The following ADAMTS17 variants were observed in gnomAD, a reference collection of about 807,000 sequenced individuals.
ADAMTS17 encodes ADAM metallopeptidase with thrombospondin type 1 motif 17, also known as A disintegrin and metalloproteinase with thrombospondin motifs 17.
ADAMTS17 carries 113 observed loss-of-function variants against 141.5 expected under a neutral mutation model. That is an observed-to-expected ratio of 0.80 (90% CI 0.69 to 0.93). The LOEUF (loss-of-function observed/expected upper bound fraction) is 0.93. Ranked by LOEUF, ADAMTS17 falls within the 40% of genes least tolerant of loss-of-function variation. The pLI is 0.00. For missense variants in ADAMTS17, 1,659 were observed against 1,517.9 expected (o/e 1.09, Z -1.54); for synonymous variants, 768 against 630.6 (o/e 1.22, Z -3.27).
intron 13 of ADAMTS17, among the ~76,000 whole-genome samples, chr15:100,111,521 T>C (rs8024234): frequency 0.69 from 104,453 of 152,208 alleles, 36,952 homozygotes; most frequent in African/African-American, 0.87. Flanking sequence ...AAGCATCTTG[T>C]GGAGCTGGTG....
chr15:100,102,669 C>T (rs899888992), intron 14 of ADAMTS17, among the ~76,000 whole-genome samples: 2 of 152,172 alleles, frequency 1.3e-5, no homozygotes, highest in African/African-American at 2.4e-5. Context: ...GGTTTCCTTT[C>T]GTAACTAGTG....
intron 2 of ADAMTS17, among the ~76,000 whole-genome samples, chr15:100,333,511 C>G (rs898904635): frequency 6.6e-6 from 1 of 152,148 alleles, no homozygotes; most frequent in African/African-American, 2.4e-5. Context: ...CAATGTGTAG[C>G]CAGGGTTGAG....
rs189545800 is a variant in ADAMTS17, at chr15:100,111,382, C to G, written c.1889-2266G>C. 1.8e-3 allele frequency among the ~76,000 whole-genome samples: 276 copies of G among 152,336 alleles called. 1 individual carries two copies. The highest frequency in any genetic ancestry group is 6.5e-3 in the African/African-American group (269 of 41,574). On this transcript the variant is annotated intron_variant, in intron 13 of 21. Coordinates refer to ENST00000268070, the MANE Select transcript of ADAMTS17 (RefSeq NM_139057.4). ...CTAGGGGCAGCTGTCCTTCCACTTG[C>G]AGGGAAGGACCTCAGGAGGTGGCTG...
chr15:100,054,063 C>CA lies in ADAMTS17; in HGVS notation c.2138-10dup, dbSNP rs1159160467. On this transcript the variant is annotated splice_polypyrimidine_tract_variant and intron_variant, in intron 15 of 21. Coordinates refer to ENST00000268070, the MANE Select transcript of ADAMTS17 (RefSeq NM_139057.4). The stretch of plus-strand genomic sequence containing the variant: ...ACCCGAGTCTTTGAGAGCTAGAAAG[C>CA]AAGTTGAAGACCAAAGAATCAAGGG... 2 of 1,614,132 alleles carry CA rather than the reference C, an allele frequency of 1.2e-6. No individual in the cohort carries two copies.
intron 20 of ADAMTS17, among the ~76,000 whole-genome samples, chr15:99,986,172 GC>G (rs1203031462): frequency 1.3e-5 from 2 of 152,212 alleles, no homozygotes; most frequent in Non-Finnish European, 2.9e-5. Flanking sequence ...GGGGGTTCAG[GC>G]CCCACCAAAG....
At chr15:100,195,613 CAAAAAAAAAAAAAAAAA>C (rs71287815) in intron 8 of ADAMTS17, among the ~76,000 whole-genome samples, 1 of 63,646 alleles carries the variant, frequency 1.6e-5, no homozygotes, top group African/African-American at 6.0e-5. Context: ...TGTTTGGTCT[CAAAAAAAAAAAAAAAAA>C]AAAAAAGAAG....
rs536357887 is a variant in ADAMTS17 at position 100,189,186 on chromosome 15, C to T, written c.1181+10132G>A. ...GAGTTGAAGTCCTAGGGTGCCTCTC[C>T]ACTGTGTGCAGCACCAAATGTGGGG... On this transcript the variant is annotated intron_variant, in intron 8 of 21. Transcript: ENST00000268070. 7.2e-5 allele frequency among the ~76,000 whole-genome samples: 11 copies of T among 152,348 alleles called. No homozygotes were observed. The South Asian group carries it at 2.3e-3, about 32-fold the overall frequency.
chr15:100,334,531 C>T (rs920381137), intron 2 of ADAMTS17, among the ~76,000 whole-genome samples: 2 of 152,132 alleles, frequency 1.3e-5, no homozygotes, highest in Non-Finnish European at 2.9e-5. Flanking sequence ...ACTGCAGATC[C>T]TCCCGTCCTG....
chr15:100,083,868 C>G (rs1396749149), intron 15 of ADAMTS17, among the ~76,000 whole-genome samples: 5 of 151,620 alleles, frequency 3.3e-5, no homozygotes, highest in African/African-American at 1.2e-4. Context: ...GTTTTTGAGC[C>G]AAGATGACCA....
chr15:100,287,377 T>A (rs1391236073), intron 3 of ADAMTS17, among the ~76,000 whole-genome samples: 1 of 152,040 alleles, frequency 6.6e-6, no homozygotes, highest in South Asian at 2.1e-4. Flanking sequence ...TCAAGAAATA[T>A]GGAATTATGT....
intron 8 of ADAMTS17, among the ~76,000 whole-genome samples, chr15:100,175,003 C>A (rs150917270): frequency 9.1e-4 from 138 of 152,216 alleles, no homozygotes; most frequent in African/African-American, 3.2e-3. Context: ...CAGCCCTGGG[C>A]AGAAAGCATC....
intron 8 of ADAMTS17, among the ~76,000 whole-genome samples, chr15:100,190,156 C>T (rs978065317): frequency 5.9e-5 from 9 of 152,190 alleles, no homozygotes; most frequent in Admixed American, 5.9e-4. Context: ...TGATAACCTC[C>T]CTCATTCTAC....
At chr15:100,211,129 A>AATAG (rs2041791849) in intron 7 of ADAMTS17, among the ~76,000 whole-genome samples, 1 of 147,258 alleles carries the variant, frequency 6.8e-6, no homozygotes, top group Non-Finnish European at 1.5e-5. Flanking sequence ...TAAATAAATA[A>AATAG]ATAAATAAAT....
intron 3 of ADAMTS17, among the ~76,000 whole-genome samples, chr15:100,320,170 C>T (rs2141901318): frequency 1.3e-5 from 2 of 152,100 alleles, no homozygotes; most frequent in South Asian, 4.2e-4. Context: ...ACAGAGAACA[C>T]AGAGATGGAG....
intron 14 of ADAMTS17, among the ~76,000 whole-genome samples, chr15:100,103,456 T>A (rs1053046775): frequency 1.3e-5 from 2 of 152,204 alleles, no homozygotes; most frequent in Non-Finnish European, 2.9e-5. Context: ...CAGATGATCT[T>A]TGGACAGGAA....
At chr15:99,987,713 C>G (rs999887389) in intron 20 of ADAMTS17, among the ~76,000 whole-genome samples, 1 of 152,024 alleles carries the variant, frequency 6.6e-6, no homozygotes, top group African/African-American at 2.4e-5. Flanking sequence ...GACATGGGGT[C>G]CCCACCACCA....
intron 3 of ADAMTS17, among the ~76,000 whole-genome samples, chr15:100,328,637 AATTTT>A (rs1437448092): frequency 2.6e-5 from 4 of 152,136 alleles, no homozygotes; most frequent in Admixed American, 1.3e-4. Flanking sequence ...TGATTTTGTT[AATTTT>A]ATTTCCTCAT....
intron 18 of ADAMTS17, among the ~76,000 whole-genome samples, chr15:100,035,677 C>T (rs977215720): frequency 1.1e-4 from 17 of 152,136 alleles, no homozygotes; most frequent in African/African-American, 3.1e-4. Context: ...GGCGGGTCTG[C>T]GTGGTTCCAG....
At chr15:100,147,338 C>A (rs551902795) in intron 10 of ADAMTS17, among the ~76,000 whole-genome samples, 1 of 152,310 alleles carries the variant, frequency 6.6e-6, no homozygotes, top group South Asian at 2.1e-4. Flanking sequence ...AATGGGAATA[C>A]GTTCTGAGAA....
Sources: allele counts gnomAD v4.1 joint callset (sites outside exome capture counted in the v4.1 genomes callset), GRCh38; gene constraint gnomAD v4.1.1; transcripts MANE v1.5; gene names NCBI Gene and HGNC (gene_info 2026-07-23, HGNC 2026-07-21).